CKM: variants seen among roughly 807,000 people sequenced by gnomAD.
CKM encodes creatine kinase, M-type.
CKM carries 28 observed loss-of-function variants against 35.4 expected under a neutral mutation model. The ratio of observed to expected loss-of-function variants is 0.79; its 90% CI spans 0.59 to 1.08. The LOEUF (loss-of-function observed/expected upper bound fraction) is 1.08. CKM is among the 50% of genes least tolerant of loss of function. CKM has a pLI of 0.00. For synonymous variants in CKM, 215 were observed against 204.4 expected (o/e 1.05, Z -0.44); for missense variants, 484 against 509.8 (o/e 0.95, Z 0.49).
At chr19:45,310,759 CTTTTTTTTT>C (rs3047558) in intron 5 of CKM, among the ~76,000 whole-genome samples, 2 of 50,264 alleles carry the variant, frequency 4.0e-5, no homozygotes, top group East Asian at 4.9e-4. Flanking sequence ...TCACGCCTGG[CTTTTTTTTT>C]TTTTTTTTTT....
Position 45,306,619 on chromosome 19 carries a change from G to C in CKM, c.*131C>G, listed in dbSNP as rs1971053678. The C allele has an allele frequency of 2.1e-5, 19 of 897,564 alleles. No individual in the cohort carries two copies. In the South Asian group the frequency reaches 2.8e-4, roughly 13 times the overall value. 55.6% of individuals were successfully genotyped at this position (897,564 alleles called of 1,614,324 possible). On this transcript the variant is annotated 3_prime_UTR_variant, in exon 8 of 8. Coordinates refer to ENST00000221476, the MANE Select transcript of CKM (RefSeq NM_001824.5). This position sits in a 1 kb window ranked among gnomAD's most constrained non-coding sequence, Gnocchi z 4.5. ...ACTCTGGTTGAAACTGGAACTCTGAGAAGGGTGGAGAGAGCCCCCAGGTGG... is the reference window on the plus strand; with the variant it reads ...ACTCTGGTTGAAACTGGAACTCTGACAAGGGTGGAGAGAGCCCCCAGGTGG...
At chr19:45,316,069 C>T (rs1028117824) in intron 3 of CKM, among the ~76,000 whole-genome samples, 6 of 151,926 alleles carry the variant, frequency 3.9e-5, no homozygotes, top group African/African-American at 1.5e-4. Flanking sequence ...GTGGCTCACA[C>T]CTGTAATCCC....
rs1277732146 is a variant in CKM at position 45,306,945 on chromosome 19, CAG to C, written c.968-19_968-18del. On this transcript the variant is annotated intron_variant, in intron 7 of 7. Transcript: ENST00000221476. The surrounding 1 kb of genome is among the most constrained non-coding windows in gnomAD (Gnocchi z 4.5). ...CCACGCCACCTGTGGGAGCAAGGGA[CAG>C]GGGCGTGAAGAGGCAGCGAAGGTGC... 9.9e-6 allele frequency: 16 copies of C among 1,612,808 alleles called. No individual in the cohort carries two copies. Among genetic ancestry groups the C allele is most frequent in the African/African-American group, 2.7e-5 (2 of 74,926 alleles).
At position 45,319,798 on chromosome 19, in the gene CKM, T is replaced by C. The variant is rs548450818; in HGVS notation, c.-18-67A>G. 62 of 1,305,486 alleles carry C rather than the reference T, an allele frequency of 4.7e-5. 1 individual carries two copies. The East Asian group carries it at 6.6e-4, about 14-fold the overall frequency. The allele number at this position is 1,305,486 out of a possible 1,614,324, so 80.9% of individuals were successfully genotyped here. ...CATCTTTTTTCTTCTTCTTCTTCTT[T>C]TTTTTTTTTTGAGACGGAGTCTCGC... is the stretch of plus-strand genomic sequence containing the variant. On this transcript the variant is annotated intron_variant, in intron 1 of 7. Coordinates refer to ENST00000221476, the MANE Select transcript of CKM (RefSeq NM_001824.5).
intron 1 of CKM, among the ~76,000 whole-genome samples, chr19:45,321,369 C>T (rs1422948574): frequency 4.6e-5 from 7 of 152,080 alleles, no homozygotes; most frequent in Non-Finnish European, 1.0e-4. Context: ...TGACAGTTCT[C>T]CCACAGGGCT....
At chr19:45,319,344 T>C (rs905900168) in intron 2 of CKM, among the ~76,000 whole-genome samples, 177 bp downstream of exon 2, 3 of 152,160 alleles carry the variant, frequency 2.0e-5, no homozygotes, top group Non-Finnish European at 2.9e-5. Flanking sequence ...GTTTGCTGAG[T>C]ACCTCGCACT....
At chr19:45,314,141 AG>A (rs200423323) in intron 4 of CKM, among the ~76,000 whole-genome samples, 266 of 148,372 alleles carry the variant, frequency 1.8e-3, no homozygotes, top group African/African-American at 6.7e-3. Flanking sequence ...GAGGGAGGGA[AG>A]GAAGGGAAGG....
intron 5 of CKM, among the ~76,000 whole-genome samples, chr19:45,310,937 A>T (rs1285675684): frequency 7.7e-6 from 1 of 129,810 alleles, no homozygotes; most frequent in African/African-American, 3.0e-5. Context: ...CGCCGGGCTA[A>T]TTTTTTTTTT....
At position 45,306,752 on chromosome 19, in the gene CKM, A is replaced by C; in HGVS notation, c.1144T>G (p.Ter382GluextTer87). ...GTCGGTGGCAGGTGGGCAGGCGCCT[A>C]CTTCTGGGCGGGGATCATGTCGTCA... ...SIDDMIPAQK[*>E] Residue 382 changes from the stop codon to glutamate, a stop_lost, in exon 8 of 8, where the codon TAG (stop) becomes GAG (glutamate). Transcript: ENST00000221476. This position sits in a 1 kb window ranked among gnomAD's most constrained non-coding sequence, Gnocchi z 4.5. 1 of 1,614,078 alleles carries C rather than the reference A, an allele frequency of 6.2e-7. No individual in the cohort carries two copies. The highest frequency in any genetic ancestry group is 1.1e-5 in the South Asian group (1 of 91,080).
rs1458228544 is a variant in CKM, at chr19:45,311,801, G to C, written c.601C>G (p.Leu201Val). ...CGGGCCATGCCTGAGGCCAGCAGCA[G>C]CGGGGACACGGGCTTGTCGAACAGG... ...HFLFDKPVSP[L>V]LLASGMARDW... The change falls in exon 5 of 8, where the codon CTG becomes GTG. Residue 201 changes from leucine to valine, a missense_variant. Coordinates refer to ENST00000221476, the MANE Select transcript of CKM (RefSeq NM_001824.5). 1.2e-6 allele frequency: 2 copies of C among 1,609,528 alleles called. No individual in the cohort carries two copies. Among genetic ancestry groups the C allele is most frequent in the Non-Finnish European group, 8.5e-7 (1 of 1,178,100 alleles).
chr19:45,306,630 A>G lies in CKM; in HGVS notation c.*120T>C, dbSNP rs1479808270. The G allele has an allele frequency of 4.9e-6, 5 of 1,010,178 alleles. No homozygotes were observed. Among genetic ancestry groups the G allele is most frequent in the Non-Finnish European group, 6.1e-6 (4 of 653,640 alleles). 62.6% of individuals were successfully genotyped at this position (1,010,178 alleles called of 1,614,324 possible). ...AACTGGAACTCTGAGAAGGGTGGAG[A>G]GAGCCCCCAGGTGGGACTCTGGGAC... On this transcript the variant is annotated 3_prime_UTR_variant, in exon 8 of 8. Transcript: ENST00000221476. The surrounding 1 kb of genome is among the most constrained non-coding windows in gnomAD (Gnocchi z 4.5).
chr19:45,312,010 C>CG, intron 4 of CKM, 90 bp from the exon 5 acceptor site: 1 of 1,471,340 alleles, frequency 6.8e-7, no homozygotes, highest in South Asian at 1.2e-5. Context: ...CTGCTCCTAA[C>CG]GGGCCTGGGC....
At chr19:45,317,691 C>T in intron 3 of CKM, 134 bp downstream of exon 3, 1 of 1,033,598 alleles carries the variant, frequency 9.7e-7, no homozygotes, top group Non-Finnish European at 1.5e-6. Context: ...CAATGTCCCT[C>T]TCTCTTTCCA....
intron 5 of CKM, among the ~76,000 whole-genome samples, chr19:45,308,770 T>C (rs1166454782): frequency 6.6e-6 from 1 of 152,180 alleles, no homozygotes; most frequent in Non-Finnish European, 1.5e-5. Flanking sequence ...CTTTGAACAG[T>C]ATTATTATAG....
At chr19:45,311,957 C>G (rs1971114804) in intron 4 of CKM, 37 bp from the exon 5 acceptor site, 1 of 1,610,760 alleles carries the variant, frequency 6.2e-7, no homozygotes, top group African/African-American at 1.3e-5. Flanking sequence ...AGCAGCCTGT[C>G]CCACCTCAAC....
chr19:45,317,046 G>A (rs776014549), intron 3 of CKM, among the ~76,000 whole-genome samples: 3 of 151,052 alleles, frequency 2.0e-5, no homozygotes, highest in Non-Finnish European at 4.4e-5. Flanking sequence ...TCCTTTGTCT[G>A]TCTGTCTCCT....
At chr19:45,316,646 C>A (rs1179194458) in intron 3 of CKM, among the ~76,000 whole-genome samples, 2 of 151,732 alleles carry the variant, frequency 1.3e-5, no homozygotes, top group African/African-American at 4.8e-5. Context: ...CTCTTCCTGT[C>A]TCCCTTTCTC....
chr19:45,306,974 G>T lies in CKM; in HGVS notation c.968-46C>A. On this transcript the variant is annotated intron_variant, in intron 7 of 7. Transcript: ENST00000221476. This position sits in a 1 kb window ranked among gnomAD's most constrained non-coding sequence, Gnocchi z 4.5. The stretch of plus-strand genomic sequence containing the variant: ...GGCGTGAAGAGGCAGCGAAGGTGCA[G>T]AGGGGCTGGGACGTGGCCCCCGTGC... The T allele has an allele frequency of 6.2e-7, 1 of 1,601,948 alleles. No individual in the cohort carries two copies. Among genetic ancestry groups the T allele is most frequent in the Non-Finnish European group, 8.5e-7 (1 of 1,173,880 alleles).
chr19:45,317,278 A>T (rs1300787869), intron 3 of CKM, among the ~76,000 whole-genome samples: 2 of 148,436 alleles, frequency 1.3e-5, no homozygotes, highest in African/African-American at 5.0e-5. Flanking sequence ...CAGCTAATTT[A>T]TTTTATTTAT....
Sources: gnomAD v4.1 joint callset for allele counts (sites outside exome capture counted in the v4.1 genomes callset) on GRCh38, gnomAD v4.1.1 for gene constraint, Gnocchi (gnomAD v3.1) non-coding constraint, MANE v1.5 for transcripts, NCBI Gene and HGNC (gene_info 2026-07-23, HGNC 2026-07-21) for gene names.